The following SIK3 variants were observed in gnomAD, a reference collection of about 807,000 sequenced individuals.
The protein encoded by SIK3 is serine/threonine-protein kinase SIK3.
A neutral mutation model predicts 144.2 loss-of-function variants in SIK3; 28 were observed. The observed-to-expected ratio is 0.19, with a 90% CI of 0.14 to 0.27. The LOEUF (loss-of-function observed/expected upper bound fraction) is 0.27. Among genes scored for constraint, SIK3 ranks in the 10% least tolerant of loss-of-function variants. The probability of loss-of-function intolerance (pLI) is 1.00; values close to 1 mark genes in which losing one functional copy is unlikely to be tolerated. For missense variants in SIK3, 1,319 were observed against 1,776.0 expected, an observed-to-expected ratio of 0.74 and a Z score of 4.62; for synonymous variants, 686 against 676.3, an observed-to-expected ratio of 1.01 and a Z score of -0.22.
chr11:117,066,350 G>T (rs920564644), intron 1 of SIK3, among the ~76,000 whole-genome samples: 1 of 151,548 alleles, frequency 6.6e-6, no homozygotes, highest in Non-Finnish European at 1.5e-5. Context: ...TTACAGGCGT[G>T]AGCCACCGCA....
At chr11:116,944,531 G>A (rs1407115904) in intron 3 of SIK3, among the ~76,000 whole-genome samples, 2 of 152,164 alleles carry the variant, frequency 1.3e-5, no homozygotes, top group African/African-American at 2.4e-5. Flanking sequence ...GCTGGGCTGA[G>A]CTTCCCTGAT....
chr11:117,081,264 G>A (rs1215439489), intron 1 of SIK3, among the ~76,000 whole-genome samples: 1 of 152,132 alleles, frequency 6.6e-6, no homozygotes, highest in Non-Finnish European at 1.5e-5. Context: ...CATTTTGTAA[G>A]GTTTGATTAT....
intron 3 of SIK3, among the ~76,000 whole-genome samples, chr11:116,931,174 C>A (rs1018062378): frequency 5.3e-5 from 8 of 152,148 alleles, no homozygotes; most frequent in African/African-American, 1.2e-4. Context: ...GATTTACATA[C>A]CCGACGAAGA....
At chr11:116,850,288 A>G (rs1942326089) in intron 21 of SIK3, among the ~76,000 whole-genome samples, 1 of 152,108 alleles carries the variant, frequency 6.6e-6, no homozygotes, top group African/African-American at 2.4e-5. Flanking sequence ...CTATCTTCCA[A>G]TCAGTGTCTC....
At chr11:117,013,903 G>GC (rs1555127047) in intron 1 of SIK3, among the ~76,000 whole-genome samples, 1 of 52,766 alleles carries the variant, frequency 1.9e-5, no homozygotes, top group South Asian at 6.3e-4. Flanking sequence ...ATTCTGAGGG[G>GC]GGGGGGGGGA....
At chr11:116,914,565 A>G (rs2134991428) in intron 4 of SIK3, among the ~76,000 whole-genome samples, 2 of 152,326 alleles carry the variant, frequency 1.3e-5, no homozygotes, top group South Asian at 4.1e-4. Context: ...CAAGACAGAC[A>G]TGGTCCCTGC....
At chr11:116,993,129 C>G (rs1950550783) in intron 1 of SIK3, among the ~76,000 whole-genome samples, 1 of 152,134 alleles carries the variant, frequency 6.6e-6, no homozygotes, top group African/African-American at 2.4e-5. Context: ...TGAGGTGATC[C>G]TCCCACATCA....
chr11:116,897,051 T>G (rs1945448320), intron 5 of SIK3, 142 bp downstream of exon 5: 3 of 796,258 alleles, frequency 3.8e-6, no homozygotes, highest in Admixed American at 3.1e-5. Flanking sequence ...AAAAAGGCTT[T>G]GCACAGGAAT....
intron 6 of SIK3, among the ~76,000 whole-genome samples, chr11:116,878,123 A>G (rs1944351514): frequency 6.6e-6 from 1 of 152,174 alleles, no homozygotes; most frequent in Admixed American, 6.5e-5. Flanking sequence ...ACACTAATTC[A>G]GCACTGAACC....
At chr11:116,915,227 T>C (rs865978564) in intron 4 of SIK3, among the ~76,000 whole-genome samples, 12 of 151,768 alleles carry the variant, frequency 7.9e-5, no homozygotes, top group Non-Finnish European at 1.0e-4. Context: ...GGTCTTATTA[T>C]GTTGCCCAGG....
At chr11:116,947,570 T>TG (rs752553527) in intron 3 of SIK3, among the ~76,000 whole-genome samples, 701 of 14,064 alleles carry the variant, frequency 0.05, 5 homozygotes, top group Middle Eastern at 0.16. Context: ...TATGTATGTA[T>TG]TTTTTTTTTT....
chr11:116,896,221 C>A (rs373734882), intron 6 of SIK3, 32 bp downstream of exon 6: 2 of 1,609,558 alleles, frequency 1.2e-6, no homozygotes. Context: ...TTCATGAACC[C>A]ATTCATAGCT....
intron 1 of SIK3, among the ~76,000 whole-genome samples, chr11:117,017,500 G>A (rs989363487): frequency 2.7e-5 from 4 of 149,918 alleles, no homozygotes; most frequent in Admixed American, 6.8e-5. Context: ...CACAGGCCTA[G>A]TACATAGTAA....
At chr11:117,056,058 G>C (rs1316113480) in intron 1 of SIK3, among the ~76,000 whole-genome samples, 1 of 152,188 alleles carries the variant, frequency 6.6e-6, no homozygotes, top group African/African-American at 2.4e-5. Context: ...CAGTTTGGAG[G>C]ATGTGCTACA....
chr11:116,877,752 T>C (rs1340501545), intron 6 of SIK3, among the ~76,000 whole-genome samples: 1 of 105,672 alleles, frequency 9.5e-6, no homozygotes, highest in East Asian at 2.1e-4. Flanking sequence ...ACGTATATTC[T>C]GATTTCAAAA....
intron 1 of SIK3, among the ~76,000 whole-genome samples, chr11:117,096,876 C>T (rs1591703546): frequency 6.6e-6 from 1 of 152,254 alleles, no homozygotes; most frequent in African/African-American, 2.4e-5. Context: ...AGAGGCTAGG[C>T]TGAGGAGGTG....
chr11:117,013,748 G>A (rs1210875253), intron 1 of SIK3, among the ~76,000 whole-genome samples: 1 of 151,090 alleles, frequency 6.6e-6, no homozygotes, highest in Admixed American at 6.6e-5. Flanking sequence ...ATCAATCTGA[G>A]GAACCAAAAT....
rs1344144321 is a variant in SIK3, at chr11:116,849,409, G to A, written c.3656-126C>T. The A allele has an allele frequency of 4.3e-6, 5 of 1,156,304 alleles. No homozygotes were observed. Among genetic ancestry groups the A allele is most frequent in the Non-Finnish European group, 6.1e-6 (5 of 817,744 alleles). The allele number at this position is 1,156,304 out of a possible 1,614,324, so 71.6% of individuals were successfully genotyped here. The stretch of plus-strand genomic sequence containing the variant: ...GAGGAGATCATGTACACCAACCGCT[G>A]ATCCTCAGCCGGCGTCATGGCTTAG... On this transcript the variant is annotated intron_variant, in intron 21 of 24. Coordinates refer to ENST00000445177, the MANE Select transcript of SIK3 (RefSeq NM_001366686.3). This position sits in a 1 kb window ranked among gnomAD's most constrained non-coding sequence, Gnocchi z 4.2.
chr11:116,908,072 A>G (rs565733017), intron 4 of SIK3, among the ~76,000 whole-genome samples: 29 of 152,300 alleles, frequency 1.9e-4, no homozygotes, highest in Non-Finnish European at 4.3e-4. Flanking sequence ...TGCTAATCAT[A>G]AAGGGAAAAG....
Sources: allele counts gnomAD v4.1 joint callset (sites outside exome capture counted in the v4.1 genomes callset), GRCh38; gene constraint gnomAD v4.1.1; non-coding constraint Gnocchi (gnomAD v3.1); transcripts MANE v1.5; gene names NCBI Gene and HGNC (gene_info 2026-07-23, HGNC 2026-07-21).